The following PPP1R12A variants were observed in gnomAD, a reference collection of about 807,000 sequenced individuals.
The protein encoded by PPP1R12A is protein phosphatase 1 regulatory subunit 12A.
Under a neutral mutation model 139.6 loss-of-function variants are expected in PPP1R12A, and 19 were observed. The ratio of observed to expected loss-of-function variants is 0.14; its 90% confidence interval spans 0.09 to 0.20. PPP1R12A has a LOEUF of 0.20. Among genes scored for constraint, PPP1R12A ranks in the 10% least tolerant of loss-of-function variants. The pLI is 1.00. For synonymous variants in PPP1R12A, 427 were observed against 420.6 expected (o/e 1.02, Z -0.19); for missense variants, 925 against 1,211.5 (o/e 0.76, Z 3.51).
Position 79,934,748 on chromosome 12 carries a change from G to C in PPP1R12A, c.184C>G (p.Arg62Gly). 6.4e-7 allele frequency: 1 copy of C among 1,550,786 alleles called. No individual in the cohort carries two copies. Among genetic ancestry groups the C allele is most frequent in the Non-Finnish European group, 8.7e-7 (1 of 1,146,490 alleles). The change falls in exon 1 of 25, where the codon CGC becomes GGC. Residue 62 changes from arginine to glycine, a missense_variant. Transcript: ENST00000450142. Reference sequence around the variant, plus strand: ...TTGGCGTAATTGATGTCGGCGCCGCGGTGCAGCAGCTTGAGGACCTCGTCC... The same window carrying C: ...TTGGCGTAATTGATGTCGGCGCCGCCGTGCAGCAGCTTGAGGACCTCGTCC... ...DTDEVLKLLH[R>G]GADINYANVD...
intron 1 of PPP1R12A, among the ~76,000 whole-genome samples, chr12:79,901,122 C>T (rs368748287): frequency 6.6e-6 from 1 of 152,262 alleles, no homozygotes; most frequent in Admixed American, 6.5e-5. Flanking sequence ...TAAGAACACA[C>T]AATAGAGGGC....
At chr12:79,925,001 T>C (rs1276461971) in intron 1 of PPP1R12A, among the ~76,000 whole-genome samples, 1 of 152,114 alleles carries the variant, frequency 6.6e-6, no homozygotes, top group Non-Finnish European at 1.5e-5. Flanking sequence ...GATCCACCTT[T>C]ATTCACCAGA....
In PPP1R12A at chr12:79,778,608, G is replaced by A. The variant is rs1430645771; in HGVS notation, c.2956-8C>T. ...TTCTAGAGCTCTTCGTTCCTAGATC[G>A]ATTTAAGGTACCAATGTTAGTTATA... On this transcript the variant is annotated splice_region_variant and splice_polypyrimidine_tract_variant and intron_variant, in intron 23 of 24. Transcript: ENST00000450142. 6 of 1,506,344 alleles carry A rather than the reference G, an allele frequency of 4.0e-6. No homozygotes were observed. In the East Asian group the frequency reaches 1.2e-4, roughly 31 times the overall value. The allele number at this position is 1,506,344 out of a possible 1,614,324, so 93.3% of individuals were successfully genotyped here. A position where few individuals can be genotyped will look rare whatever the true frequency, so the allele number is the denominator to read the frequency against.
At chr12:79,910,201 C>T (rs1029191078) in intron 1 of PPP1R12A, among the ~76,000 whole-genome samples, 3 of 151,842 alleles carry the variant, frequency 2.0e-5, no homozygotes, top group African/African-American at 7.3e-5. Flanking sequence ...ACCTTAAAAC[C>T]AGGCACAGTG....
chr12:79,812,968 C>G (rs530208942), intron 9 of PPP1R12A, among the ~76,000 whole-genome samples: 6 of 152,162 alleles, frequency 3.9e-5, no homozygotes, highest in Non-Finnish European at 8.8e-5. Flanking sequence ...TTGTGGGCAA[C>G]TTCAATGACT....
chr12:79,912,131 T>G (rs1400393073), intron 1 of PPP1R12A, among the ~76,000 whole-genome samples: 1 of 152,172 alleles, frequency 6.6e-6, no homozygotes, highest in Non-Finnish European at 1.5e-5. Flanking sequence ...ACCAAGAATC[T>G]ATCTCTCCAC....
chr12:79,861,555 A>ACG (rs1881317502), intron 2 of PPP1R12A, among the ~76,000 whole-genome samples: 2 of 152,126 alleles, frequency 1.3e-5, no homozygotes, highest in Admixed American at 1.3e-4. Context: ...TCCCTTTCCT[A>ACG]GCCAAGGGAA....
chr12:79,903,575 A>G (rs1885835747), intron 1 of PPP1R12A, among the ~76,000 whole-genome samples: 2 of 152,196 alleles, frequency 1.3e-5, no homozygotes, highest in Admixed American at 6.5e-5. Flanking sequence ...ATACATGCAA[A>G]TATTCCAAAA....
At chr12:79,833,994 T>C (rs1877779300) in intron 3 of PPP1R12A, among the ~76,000 whole-genome samples, 1 of 152,150 alleles carries the variant, frequency 6.6e-6, no homozygotes, top group African/African-American at 2.4e-5. Context: ...ATACAACTGT[T>C]TGGACAAGAT....
intron 23 of PPP1R12A, chr12:79,779,536 C>T (rs1870158827): frequency 2.6e-6 from 1 of 389,922 alleles, no homozygotes; most frequent in Non-Finnish European, 4.9e-6. Flanking sequence ...TTTTAAGTAC[C>T]ATGTTATTCC....
chr12:79,884,876 T>C (rs1455827933), intron 1 of PPP1R12A, among the ~76,000 whole-genome samples: 5 of 152,146 alleles, frequency 3.3e-5, no homozygotes, highest in Non-Finnish European at 7.4e-5. Context: ...GTTCCACACA[T>C]GTTCATAAGG....
chr12:79,809,668 A>C, intron 10 of PPP1R12A, 127 bp downstream of exon 10: 1 of 680,794 alleles, frequency 1.5e-6, no homozygotes, highest in South Asian at 2.0e-5. Flanking sequence ...GTCTTATGTA[A>C]TTCATTAAGG....
chr12:79,848,696 C>T (rs1879696374), intron 2 of PPP1R12A: 1 of 152,120 alleles, frequency 6.6e-6, no homozygotes, highest in African/African-American at 2.4e-5. Flanking sequence ...TCACAAACTT[C>T]TCCTGCACTC....
chr12:79,908,793 G>C (rs1349316367), intron 1 of PPP1R12A, among the ~76,000 whole-genome samples: 1 of 152,118 alleles, frequency 6.6e-6, no homozygotes, highest in South Asian at 2.1e-4. Flanking sequence ...TAAAATCAAA[G>C]GCTGATTAAA....
At chr12:79,919,988 C>G (rs1887314308) in intron 1 of PPP1R12A, among the ~76,000 whole-genome samples, 1 of 152,170 alleles carries the variant, frequency 6.6e-6, no homozygotes, top group African/African-American at 2.4e-5. Context: ...ATTTTTGTCA[C>G]CCTAAAAAGT....
At position 79,890,895 on chromosome 12, in the gene PPP1R12A, CCA is replaced by C. The variant is rs1180238966; in HGVS notation, c.238-17959_238-17958del. Among the ~76,000 whole-genome samples, 25 of 104,648 alleles carry C rather than the reference CCA, an allele frequency of 2.4e-4. No homozygotes were observed. In the East Asian group the frequency reaches 4.6e-3, roughly 19 times the overall value. 68.7% of individuals were successfully genotyped at this position (104,648 alleles called of 152,430 possible). ...TCAAGAATACACACACACCACCCAC[CCA>C]CACCCACCCACACACACACACACAC... On this transcript the variant is annotated intron_variant, in intron 1 of 24. Transcript: ENST00000450142.
Position 79,799,840 on chromosome 12 carries a change from C to T in PPP1R12A, c.2001-1256G>A, listed in dbSNP as rs79216104. Among the ~76,000 whole-genome samples, 967 of 151,728 alleles carry T rather than the reference C, an allele frequency of 6.4e-3. 7 individuals are homozygous for T. The highest frequency in any genetic ancestry group is 0.022 in the African/African-American group (922 of 41,368). ...GCCTGGGAAACATGAGGAAACCTGT[C>T]GCTACAAAAAAATAGAAAAATTAGC... On this transcript the variant is annotated intron_variant, in intron 14 of 24. Transcript: ENST00000450142.
chr12:79,827,949 G>A (rs140032180), intron 5 of PPP1R12A, among the ~76,000 whole-genome samples: 1 of 152,244 alleles, frequency 6.6e-6, no homozygotes, highest in Non-Finnish European at 1.5e-5. Flanking sequence ...GCACTTCTAC[G>A]TGTGTTCCAA....
chr12:79,861,786 G>A (rs1187844345), intron 2 of PPP1R12A, among the ~76,000 whole-genome samples: 1 of 152,166 alleles, frequency 6.6e-6, no homozygotes, highest in Non-Finnish European at 1.5e-5. Context: ...TGAGTAGGTG[G>A]TTCTAGGCTC....
Sources: allele counts gnomAD v4.1 joint callset (sites outside exome capture counted in the v4.1 genomes callset), GRCh38; gene constraint gnomAD v4.1.1; transcripts MANE v1.5; gene names NCBI Gene and HGNC (gene_info 2026-07-23, HGNC 2026-07-21).